Variants in PDGFD observed in about 807,000 individuals in gnomAD.
PDGFD encodes the protein platelet-derived growth factor D.
A neutral mutation model predicts 44.7 loss-of-function variants in PDGFD; 30 were observed. That is an observed-to-expected ratio of 0.67 (90% CI 0.50 to 0.91). The LOEUF is 0.91. PDGFD is among the 40% of genes least tolerant of loss of function. PDGFD has a pLI of 0.00. For synonymous variants in PDGFD, 173 were observed against 168.4 expected, an observed-to-expected ratio of 1.03 and a Z score of -0.21; for missense variants, 445 against 457.8, an observed-to-expected ratio of 0.97 and a Z score of 0.25.
At chr11:104,132,357 T>C (rs1861936787) in intron 1 of PDGFD, among the ~76,000 whole-genome samples, 2 of 152,082 alleles carry the variant, frequency 1.3e-5, no homozygotes, top group South Asian at 4.1e-4. Flanking sequence ...CTATAAAAAT[T>C]ATTTTTTCTT....
intron 1 of PDGFD, among the ~76,000 whole-genome samples, chr11:104,118,953 ATC>A (rs1861692264): frequency 1.6e-5 from 1 of 61,024 alleles, no homozygotes; most frequent in Non-Finnish European, 2.9e-5. Flanking sequence ...ATAATAATAT[ATC>A]ATAATAAAAC....
chr11:103,993,432 G>T (rs1006710589), intron 3 of PDGFD, among the ~76,000 whole-genome samples: 1 of 151,134 alleles, frequency 6.6e-6, no homozygotes, highest in Non-Finnish European at 1.5e-5. Context: ...TTAAAGTAGG[G>T]GTTGCAAAAC....
intron 1 of PDGFD, among the ~76,000 whole-genome samples, chr11:104,061,390 C>T (rs1446657439): frequency 6.6e-6 from 1 of 151,996 alleles, no homozygotes; most frequent in Non-Finnish European, 1.5e-5. Context: ...CCCATATAAC[C>T]AATGATATGC....
At position 104,154,363 on chromosome 11, in the gene PDGFD, T is replaced by C. The variant is rs534060944; in HGVS notation, c.124+9441A>G. On this transcript the variant is annotated intron_variant, in intron 1 of 6. Coordinates refer to ENST00000393158, the MANE Select transcript of PDGFD (RefSeq NM_025208.5). ...CTTTATTTCTATCACCATTTGAAATTTGTCATTTAGGAGTAGTTAAGACAA... is the reference window on the plus strand; with the variant it reads ...CTTTATTTCTATCACCATTTGAAATCTGTCATTTAGGAGTAGTTAAGACAA... 2.6e-5 allele frequency among the ~76,000 whole-genome samples: 4 copies of C among 152,188 alleles called. No individual in the cohort carries two copies. The East Asian group carries it at 7.7e-4, about 29-fold the overall frequency.
rs918646604 is a variant in PDGFD, at chr11:104,046,510, T to C, written c.125-46255A>G. Among the ~76,000 whole-genome samples the C allele has an allele frequency of 6.8e-5, 10 of 147,502 alleles. 1 individual carries two copies. The highest frequency in any genetic ancestry group is 2.0e-4 in the African/African-American group (8 of 40,548). The stretch of plus-strand genomic sequence containing the variant: ...CAATAATTGACAGAAAACAATTTCA[T>C]TGATATTCCATAGCCATATGAGTTT... On this transcript the variant is annotated intron_variant, in intron 1 of 6. Transcript: ENST00000393158.
chr11:103,947,787 T>C, intron 3 of PDGFD, 63 bp from the exon 4 acceptor site: 4 of 1,177,778 alleles, frequency 3.4e-6, no homozygotes, highest in Non-Finnish European at 5.1e-6. Context: ...ATGTGCACAG[T>C]TTCAACATCT....
rs1858690725 is a variant in PDGFD, at chr11:103,948,154, T to C, written c.511-430A>G. 2.6e-5 allele frequency among the ~76,000 whole-genome samples: 4 copies of C among 152,350 alleles called. No individual in the cohort carries two copies. The South Asian group carries it at 6.2e-4, about 24-fold the overall frequency. On this transcript the variant is annotated intron_variant, in intron 3 of 6. Coordinates refer to ENST00000393158, the MANE Select transcript of PDGFD (RefSeq NM_025208.5). ...GATAAAGAATAATAATAATTATCAT[T>C]ATTGACATATAGTTGGTTTAAACTA...
chr11:104,000,324 C>G, intron 1 of PDGFD, 69 bp from the exon 2 acceptor site: 3 of 1,265,232 alleles, frequency 2.4e-6, no homozygotes, highest in Non-Finnish European at 3.4e-6. Context: ...AAAAAGAGAA[C>G]AGTTTACAAC....
intron 1 of PDGFD, among the ~76,000 whole-genome samples, chr11:104,115,644 A>G (rs1466519570): frequency 6.6e-6 from 1 of 152,066 alleles, no homozygotes; most frequent in Non-Finnish European, 1.5e-5. Flanking sequence ...AGTGGTTTAC[A>G]TTCCCACTAG....
intron 1 of PDGFD, among the ~76,000 whole-genome samples, chr11:104,121,471 G>C (rs1172168367): frequency 6.6e-6 from 1 of 151,986 alleles, no homozygotes; most frequent in Non-Finnish European, 1.5e-5. Flanking sequence ...CTACCTTTTA[G>C]TTAGTGAAAA....
Position 104,164,029 on chromosome 11 carries a change from C to T in PDGFD, c.-102G>A. The stretch of plus-strand genomic sequence containing the variant: ...CTGCGCTCTCGCCGCCTGCGCTCGC[C>T]CTGCGCTGGCCCGGGTCGCTGTGCT... On this transcript the variant is annotated 5_prime_UTR_variant, in exon 1 of 7. Coordinates refer to ENST00000393158, the MANE Select transcript of PDGFD (RefSeq NM_025208.5). 3.1e-6 allele frequency: 4 copies of T among 1,309,056 alleles called. No homozygotes were observed. The highest frequency in any genetic ancestry group is 4.1e-6 in the Non-Finnish European group (4 of 984,628). 81.1% of individuals were successfully genotyped at this position (1,309,056 alleles called of 1,614,324 possible).
Position 104,112,612 on chromosome 11 carries a change from G to A in PDGFD, c.124+51192C>T, listed in dbSNP as rs186971274. Among the ~76,000 whole-genome samples, 257 of 152,118 alleles carry A rather than the reference G, an allele frequency of 1.7e-3. 2 individuals are homozygous for A. Among genetic ancestry groups the A allele is most frequent in the African/African-American group, 6.0e-3 (247 of 41,506 alleles). The stretch of plus-strand genomic sequence containing the variant: ...CACTATTCACAATGGTAAAGACATG[G>A]AATCAACCTAAATGCCCATCGATGA... On this transcript the variant is annotated intron_variant, in intron 1 of 6. Coordinates refer to ENST00000393158, the MANE Select transcript of PDGFD (RefSeq NM_025208.5).
At chr11:103,936,783 T>C (rs544253270) in intron 5 of PDGFD, among the ~76,000 whole-genome samples, 2 of 152,196 alleles carry the variant, frequency 1.3e-5, no homozygotes, top group South Asian at 2.1e-4. Context: ...TCAAGATGTT[T>C]ACTGCACTCA....
chr11:104,116,055 T>C (rs940982162), intron 1 of PDGFD, among the ~76,000 whole-genome samples: 1 of 152,076 alleles, frequency 6.6e-6, no homozygotes, highest in Non-Finnish European at 1.5e-5. Flanking sequence ...CAGCTACTTA[T>C]CTTTGTTTTT....
intron 1 of PDGFD, among the ~76,000 whole-genome samples, chr11:104,134,058 A>G (rs1277931096): frequency 3.3e-5 from 5 of 152,172 alleles, no homozygotes; most frequent in Non-Finnish European, 1.5e-5. Context: ...CATTCCTATC[A>G]GCCAATAATA....
chr11:104,061,851 G>A (rs561443615), intron 1 of PDGFD, among the ~76,000 whole-genome samples: 5 of 152,174 alleles, frequency 3.3e-5, no homozygotes, highest in East Asian at 1.9e-4. Flanking sequence ...CAAGTGATCC[G>A]CCCGCCTTGG....
chr11:104,103,476 A>G (rs1036787755), intron 1 of PDGFD, among the ~76,000 whole-genome samples: 6,063 of 140,062 alleles, frequency 0.043, 182 homozygotes, highest in African/African-American at 0.083. Context: ...ATATATATAT[A>G]TATATATATA....
At chr11:104,008,690 T>C (rs906485658) in intron 1 of PDGFD, among the ~76,000 whole-genome samples, 2 of 152,132 alleles carry the variant, frequency 1.3e-5, no homozygotes, top group African/African-American at 4.8e-5. Flanking sequence ...AAAAGTGCTG[T>C]ATAATTTCTT....
intron 2 of PDGFD, 140 bp downstream of exon 2, chr11:103,999,911 T>A (rs113541111): frequency 4.1e-6 from 2 of 491,038 alleles, no homozygotes; most frequent in Non-Finnish European, 6.8e-6. Flanking sequence ...TGTTAGGGTC[T>A]TTAGGCTTTT....
Sources: gnomAD v4.1 joint callset for allele counts (sites outside exome capture counted in the v4.1 genomes callset) on GRCh38, gnomAD v4.1.1 for gene constraint, MANE v1.5 for transcripts, NCBI Gene and HGNC (gene_info 2026-07-23, HGNC 2026-07-21) for gene names.